The following MARCHF4 variants were observed in gnomAD, a reference collection of about 807,000 sequenced individuals.
MARCHF4 encodes membrane associated ring-CH-type finger 4.
Under a neutral mutation model 43.9 loss-of-function variants are expected in MARCHF4, and 14 were observed. That is an observed-to-expected ratio of 0.32 (90% CI 0.21 to 0.50). The LOEUF (loss-of-function observed/expected upper bound fraction) is 0.50, where lower values mean the gene tolerates loss of function less well. Ranked by LOEUF, MARCHF4 falls within the 20% of genes least tolerant of loss-of-function variation. MARCHF4 has a pLI of 0.98. For missense variants in MARCHF4, 468 were observed against 536.7 expected (o/e 0.87, Z 1.27); for synonymous variants, 226 against 213.3 (o/e 1.06, Z -0.52).
chr2:216,298,733 C>T (rs1343070245), intron 1 of MARCHF4, among the ~76,000 whole-genome samples: 1 of 152,174 alleles, frequency 6.6e-6, no homozygotes, highest in African/African-American at 2.4e-5. Context: ...CCTTCCCACA[C>T]ATAAAATTCC....
rs1574477544 is a variant in MARCHF4, at chr2:216,324,145, C to T, written c.517-40416G>A. 2.0e-5 allele frequency among the ~76,000 whole-genome samples: 3 copies of T among 147,210 alleles called. No individual in the cohort carries two copies. The South Asian group carries it at 6.9e-4, about 34-fold the overall frequency. On this transcript the variant is annotated intron_variant, in intron 1 of 3. Transcript: ENST00000273067. ...TGATAAAGGGGATATCACCACCGAT[C>T]CCACAGAAATACAAACTACCATCAG...
chr2:216,259,361 C>A lies in MARCHF4; in HGVS notation c.1184G>T (p.Ser395Ile), dbSNP rs745907244. ...CAGCTCTCGGCTGCTGCCTGGGGGA[C>A]TTCGCTGTTCATGAGGTCTCAAGTG... ...LSHLRPHEQR[S>I]PPGSSRELVM... The change falls in exon 4 of 4, where the codon AGT (serine) becomes ATT (isoleucine). Residue 395 changes from serine (S) to isoleucine (I), a missense_variant. Physicochemically the swap from Ser to Ile is moderately radical, Grantham distance 142 (BLOSUM62 -2). Coordinates refer to ENST00000273067, the MANE Select transcript of MARCHF4 (RefSeq NM_020814.3). The A allele has an allele frequency of 2.0e-5, 32 of 1,589,960 alleles. No homozygotes were observed. Among genetic ancestry groups the A allele is most frequent in the Non-Finnish European group, 2.6e-5 (30 of 1,164,946 alleles).
intron 1 of MARCHF4, among the ~76,000 whole-genome samples, chr2:216,301,514 T>A (rs1188006451): frequency 6.6e-6 from 1 of 152,238 alleles, no homozygotes; most frequent in African/African-American, 2.4e-5. Context: ...TGTCCATCTG[T>A]ATGGTTTGAA....
In MARCHF4 at chr2:216,369,982, G is replaced by C; in HGVS notation, c.279C>G (p.Pro93=). The change falls in exon 1 of 4, where the codon CCC becomes CCG. Residue 93 remains proline (P), a synonymous_variant. Transcript: ENST00000273067. The part of the protein sequence containing the change: ...GAGGWAGWRG[P]REVVGREPPP... ...GGGGCTCCCTGCCCACCACTTCTCG[G>C]GGGCCCCTCCAGCCTGCCCACCCCC... The C allele has an allele frequency of 6.4e-7, 1 of 1,552,020 alleles. No individual in the cohort carries two copies. Among genetic ancestry groups the C allele is most frequent in the Non-Finnish European group, 8.7e-7 (1 of 1,145,276 alleles).
chr2:216,337,550 A>G (rs1043548682), intron 1 of MARCHF4, among the ~76,000 whole-genome samples: 1 of 152,170 alleles, frequency 6.6e-6, no homozygotes, highest in Non-Finnish European at 1.5e-5. Flanking sequence ...AAATTTCCAC[A>G]CTGAAAATGT....
intron 3 of MARCHF4, among the ~76,000 whole-genome samples, chr2:216,264,893 G>A (rs776752921): frequency 2.0e-5 from 3 of 152,174 alleles, no homozygotes; most frequent in African/African-American, 4.8e-5. Context: ...GCTTGTTTGG[G>A]AAAAGAGGGA....
intron 1 of MARCHF4, among the ~76,000 whole-genome samples, 179 bp downstream of exon 1, chr2:216,369,566 C>T (rs183340246): frequency 3.3e-5 from 5 of 152,268 alleles, no homozygotes; most frequent in African/African-American, 9.6e-5. Context: ...AAACAGGCTC[C>T]ACCAGGAACC....
intron 1 of MARCHF4, among the ~76,000 whole-genome samples, chr2:216,363,141 T>A (rs966599331): frequency 3.9e-5 from 6 of 152,214 alleles, no homozygotes; most frequent in Admixed American, 2.0e-4. Context: ...TCCCAGCCTC[T>A]TCTGAAATCC....
intron 1 of MARCHF4, among the ~76,000 whole-genome samples, chr2:216,310,381 C>T (rs954892911): frequency 9.8e-5 from 15 of 152,306 alleles, no homozygotes; most frequent in African/African-American, 3.4e-4. Flanking sequence ...CCCCCCTCAG[C>T]CTCCCGAGTA....
At chr2:216,332,236 CAAAG>C (rs767850377) in intron 1 of MARCHF4, among the ~76,000 whole-genome samples, 8 of 151,680 alleles carry the variant, frequency 5.3e-5, no homozygotes, top group Non-Finnish European at 1.2e-4. Flanking sequence ...ATTAAAAATA[CAAAG>C]AATTAGCCGG....
At chr2:216,365,512 C>T (rs1692651204) in intron 1 of MARCHF4, among the ~76,000 whole-genome samples, 1 of 152,186 alleles carries the variant, frequency 6.6e-6, no homozygotes, top group South Asian at 2.1e-4. Flanking sequence ...CTGGAGGTTG[C>T]TCCACAAAGA....
chr2:216,354,265 G>T (rs1692447218), intron 1 of MARCHF4, among the ~76,000 whole-genome samples: 1 of 152,182 alleles, frequency 6.6e-6, no homozygotes, highest in Admixed American at 6.5e-5. Flanking sequence ...GAGTAGGAAG[G>T]AACACATTTC....
chr2:216,259,186 A>T lies in MARCHF4; in HGVS notation c.*126T>A. Reference sequence around the variant, plus strand: ...CTCACTCCCGCTCTGACACTACCCCAGGGCTCCCGCCAGGTCCCCCACCCT... The same window carrying T: ...CTCACTCCCGCTCTGACACTACCCCTGGGCTCCCGCCAGGTCCCCCACCCT... On this transcript the variant is annotated 3_prime_UTR_variant, in exon 4 of 4. Transcript: ENST00000273067. 4 of 1,413,286 alleles carry T rather than the reference A, an allele frequency of 2.8e-6. No homozygotes were observed. Among genetic ancestry groups the T allele is most frequent in the Non-Finnish European group, 3.8e-6 (4 of 1,063,292 alleles). 87.5% of individuals were successfully genotyped at this position (1,413,286 alleles called of 1,614,324 possible). A position where few individuals can be genotyped will look rare whatever the true frequency, so the allele number is the denominator to read the frequency against.
At chr2:216,264,079 T>C (rs1228993327) in intron 3 of MARCHF4, among the ~76,000 whole-genome samples, 1 of 152,048 alleles carries the variant, frequency 6.6e-6, no homozygotes, top group Non-Finnish European at 1.5e-5. Context: ...CTCTTCAGTC[T>C]CCAACAGGTT....
intron 3 of MARCHF4, among the ~76,000 whole-genome samples, chr2:216,263,517 G>GAAAGAGAGAGAGAGAA (rs1339027222): frequency 1.0e-5 from 1 of 97,214 alleles, no homozygotes; most frequent in African/African-American, 2.8e-5. Flanking sequence ...GAGAGAGAGA[G>GAAAGAGAGAGAGAGAA]AGAGAGAGAG....
At chr2:216,321,438 G>A (rs895439607) in intron 1 of MARCHF4, 3 of 152,178 alleles carry the variant, frequency 2.0e-5, no homozygotes, top group African/African-American at 7.2e-5. Context: ...GCTGTAAGAG[G>A]GGATTGGTCG....
chr2:216,324,108 C>T (rs1221383029), intron 1 of MARCHF4, among the ~76,000 whole-genome samples: 33 of 147,606 alleles, frequency 2.2e-4, no homozygotes, highest in African/African-American at 4.3e-4. Flanking sequence ...ATCAAATAGA[C>T]GCAATAAAAA....
chr2:216,339,867 G>A (rs556296625), intron 1 of MARCHF4, among the ~76,000 whole-genome samples: 1 of 152,174 alleles, frequency 6.6e-6, no homozygotes, highest in East Asian at 1.9e-4. Context: ...AAGGTACCAT[G>A]GAGCCTCGGG....
chr2:216,314,857 C>G (rs1389374265), intron 1 of MARCHF4, among the ~76,000 whole-genome samples: 1 of 151,976 alleles, frequency 6.6e-6, no homozygotes, highest in East Asian at 1.9e-4. Context: ...GGTGACAGAG[C>G]TAGAAAGAAA....
Sources: gnomAD v4.1 joint callset for allele counts (sites outside exome capture counted in the v4.1 genomes callset) on GRCh38, gnomAD v4.1.1 for gene constraint, MANE v1.5 for transcripts, NCBI Gene and HGNC (gene_info 2026-07-23, HGNC 2026-07-21) for gene names.